Variants in CCDC3 observed in about 807,000 individuals in gnomAD.
CCDC3 encodes coiled-coil domain containing 3, also known as coiled-coil domain-containing protein 3.
CCDC3 carries 24 observed loss-of-function variants against 21.4 expected under a neutral mutation model. The ratio of observed to expected loss-of-function variants is 1.12; its 90% CI spans 0.81 to 1.58. The LOEUF (loss-of-function observed/expected upper bound fraction) is 1.58. Ranked by LOEUF, CCDC3 falls within the 40% of genes most tolerant of loss-of-function variation. The pLI, the probability that CCDC3 is intolerant of heterozygous loss-of-function variation, is 0.00. For synonymous variants in CCDC3, 186 were observed against 166.0 expected, an observed-to-expected ratio of 1.12 and a Z score of -0.93; for missense variants, 425 against 360.9, an observed-to-expected ratio of 1.18 and a Z score of -1.44.
chr10:13,085,582 A>G (rs1837092205), intron 3 of CCDC3, among the ~76,000 whole-genome samples: 1 of 152,190 alleles, frequency 6.6e-6, no homozygotes, highest in African/African-American at 2.4e-5. Context: ...GCAGTCTCCA[A>G]CATTTTGTTT....
At chr10:12,924,132 A>G (rs1180843489) in intron 2 of CCDC3, among the ~76,000 whole-genome samples, 1 of 152,182 alleles carries the variant, frequency 6.6e-6, no homozygotes, top group Non-Finnish European at 1.5e-5. Flanking sequence ...CAACCTTCTA[A>G]AGGAAGCTGA....
chr10:13,095,119 G>A (rs189943482), intron 3 of CCDC3, among the ~76,000 whole-genome samples: 3 of 131,726 alleles, frequency 2.3e-5, no homozygotes, highest in South Asian at 2.8e-4. Flanking sequence ...GCATAGACAC[G>A]CACCTGTTTG....
At chr10:12,927,875 T>C (rs771712686) in intron 2 of CCDC3, among the ~76,000 whole-genome samples, 1 of 152,224 alleles carries the variant, frequency 6.6e-6, no homozygotes, top group Non-Finnish European at 1.5e-5. Context: ...ACTAACAAGA[T>C]GTATAAATTC....
intron 2 of CCDC3, among the ~76,000 whole-genome samples, chr10:12,904,096 G>A (rs995592099): frequency 1.6e-4 from 24 of 151,962 alleles, no homozygotes; most frequent in African/African-American, 5.8e-4. Flanking sequence ...TACACTTCCC[G>A]TGAGTATTTC....
At chr10:13,087,998 G>C (rs1386061433) in intron 3 of CCDC3, among the ~76,000 whole-genome samples, 1 of 152,190 alleles carries the variant, frequency 6.6e-6, no homozygotes, top group Non-Finnish European at 1.5e-5. Context: ...AAGTCTTTGT[G>C]TGCGTTTGAG....
At chr10:13,059,741 T>G (rs1836730488) in intron 4 of CCDC3, among the ~76,000 whole-genome samples, 1 of 152,134 alleles carries the variant, frequency 6.6e-6, no homozygotes, top group Non-Finnish European at 1.5e-5. Context: ...TGGCCTCATT[T>G]CTCTTGTGCA....
chr10:13,040,191 G>T (rs1405005118), intron 5 of CCDC3, among the ~76,000 whole-genome samples: 1 of 152,010 alleles, frequency 6.6e-6, no homozygotes, highest in Non-Finnish European at 1.5e-5. Flanking sequence ...TAGGATGGAG[G>T]GTACCATTTG....
chr10:12,943,324 C>T (rs982624852), intron 2 of CCDC3, among the ~76,000 whole-genome samples: 1 of 152,070 alleles, frequency 6.6e-6, no homozygotes, highest in Non-Finnish European at 1.5e-5. Context: ...AAGGGAACCC[C>T]GAAGAAATGT....
intron 2 of CCDC3, among the ~76,000 whole-genome samples, chr10:12,912,090 T>C (rs548329402): frequency 6.6e-6 from 1 of 152,360 alleles, no homozygotes; most frequent in East Asian, 1.9e-4. Context: ...TTGTAAGTAA[T>C]GCTTCAGTGA....
At chr10:12,971,633 T>G (rs533753586) in intron 2 of CCDC3, among the ~76,000 whole-genome samples, 1 of 152,292 alleles carries the variant, frequency 6.6e-6, no homozygotes, top group South Asian at 2.1e-4. Context: ...TGCTGTCTGC[T>G]GGACTGAGGT....
At chr10:13,077,077 T>C (rs182418054) in intron 3 of CCDC3, among the ~76,000 whole-genome samples, 112 of 152,306 alleles carry the variant, frequency 7.4e-4, no homozygotes, top group Middle Eastern at 3.4e-3. Flanking sequence ...ATTGTCCCTA[T>C]TTGCACATGA....
rs59569826 is a variant in CCDC3 at position 12,910,610 on chromosome 10, A to T, written c.550-11931T>A. 4.6e-3 allele frequency among the ~76,000 whole-genome samples: 474 copies of T among 102,986 alleles called. 2 individuals are homozygous for T. The highest frequency in any genetic ancestry group is 0.016 in the African/African-American group (412 of 25,154). 67.6% of individuals were successfully genotyped at this position (102,986 alleles called of 152,430 possible). On this transcript the variant is annotated intron_variant, in intron 2 of 2. Transcript: ENST00000378825. ...TAGTCAGAGCAAAAAAAAAAAAAAA[A>T]ATTTTTTTTTTTTTTTTGACACAGA...
intron 2 of CCDC3, among the ~76,000 whole-genome samples, chr10:12,942,992 C>G (rs975402962): frequency 6.6e-6 from 1 of 152,296 alleles, no homozygotes. Flanking sequence ...AAACCTACAA[C>G]AGAGGGCTCT....
chr10:13,051,444 T>C (rs1385400255), intron 4 of CCDC3, among the ~76,000 whole-genome samples: 2 of 152,204 alleles, frequency 1.3e-5, no homozygotes, highest in East Asian at 1.9e-4. Context: ...AATTGTTTCA[T>C]TTCTAAAGTG....
intron 4 of CCDC3, among the ~76,000 whole-genome samples, chr10:13,064,630 T>C (rs574255166): frequency 9.9e-5 from 15 of 151,986 alleles, no homozygotes; most frequent in African/African-American, 3.4e-4. Context: ...TAAAAAAATA[T>C]AAAAAATTAG....
At chr10:13,036,609 C>A (rs1049372417) in intron 5 of CCDC3, among the ~76,000 whole-genome samples, 1 of 152,078 alleles carries the variant, frequency 6.6e-6, no homozygotes, top group Non-Finnish European at 1.5e-5. Flanking sequence ...CTCAGCCTCC[C>A]GAGTAGCTGG....
intron 2 of CCDC3, among the ~76,000 whole-genome samples, chr10:12,916,087 T>C (rs768437508): frequency 2.6e-5 from 4 of 151,994 alleles, no homozygotes; most frequent in African/African-American, 7.3e-5. Context: ...TGCTGGAGAA[T>C]AGCAATGCAG....
At chr10:12,944,080 A>C (rs1000584098) in intron 2 of CCDC3, among the ~76,000 whole-genome samples, 3 of 152,206 alleles carry the variant, frequency 2.0e-5, no homozygotes, top group Non-Finnish European at 4.4e-5. Context: ...AAGATACCAA[A>C]GTGACTCCAG....
intron 5 of CCDC3, among the ~76,000 whole-genome samples, chr10:13,046,855 GGTCTC>G (rs1836536363): frequency 6.6e-6 from 1 of 151,592 alleles, no homozygotes; most frequent in African/African-American, 2.4e-5. Flanking sequence ...AACTCAATTA[GGTCTC>G]CTCTCAAATT....
Sources: gnomAD v4.1 joint callset for allele counts (sites outside exome capture counted in the v4.1 genomes callset) on GRCh38, gnomAD v4.1.1 for gene constraint, MANE v1.5 for transcripts, NCBI Gene and HGNC (gene_info 2026-07-23, HGNC 2026-07-21) for gene names.